MAPK8IP3: variants seen among roughly 807,000 people sequenced by gnomAD.
MAPK8IP3 encodes C-Jun-amino-terminal kinase-interacting protein 3.
Under a neutral mutation model 157.8 loss-of-function variants are expected in MAPK8IP3, and 49 were observed. That is an observed-to-expected ratio of 0.31 (90% CI 0.25 to 0.39). The LOEUF is 0.39. Among genes scored for constraint, MAPK8IP3 ranks in the 10% least tolerant of loss-of-function variants. The pLI is 1.00. For synonymous variants in MAPK8IP3, 897 were observed against 777.7 expected, an observed-to-expected ratio of 1.15 and a Z score of -2.55; for missense variants, 1,478 against 1,889.4, an observed-to-expected ratio of 0.78 and a Z score of 4.04.
intron 6 of MAPK8IP3, among the ~76,000 whole-genome samples, chr16:1,747,537 A>G (rs1347588257): frequency 2.6e-5 from 4 of 152,304 alleles, no homozygotes; most frequent in Middle Eastern, 3.4e-3. Flanking sequence ...TCCAGCTCCT[A>G]CAAGGACATA....
Position 1,706,918 on chromosome 16 carries a change from G to A in MAPK8IP3, c.318+261G>A, listed in dbSNP as rs1270369762. Among the ~76,000 whole-genome samples, 3 of 148,960 alleles carry A rather than the reference G, an allele frequency of 2.0e-5. No homozygotes were observed. The highest frequency in any genetic ancestry group is 4.5e-5 in the Non-Finnish European group (3 of 67,170). On this transcript the variant is annotated intron_variant, in intron 1 of 31. Coordinates refer to ENST00000610761, the MANE Select transcript of MAPK8IP3 (RefSeq NM_001318852.2). The surrounding 1 kb of genome is among the most constrained non-coding windows in gnomAD (Gnocchi z 5.1). ...CCCGGGACCCCACCCCGACTCCCGG[G>A]GACCCCCTTTTCCGCCCAGGCCTGG... is the stretch of plus-strand genomic sequence containing the variant.
At chr16:1,764,500 G>A (rs2042143015) in intron 19 of MAPK8IP3, 41 bp downstream of exon 19, 4 of 1,594,298 alleles carry the variant, frequency 2.5e-6, no homozygotes, top group East Asian at 4.5e-5. Context: ...CCCTGGCTTA[G>A]TCTCAGGACA....
At chr16:1,722,936 C>T (rs552922078) in intron 1 of MAPK8IP3, among the ~76,000 whole-genome samples, 2 of 152,016 alleles carry the variant, frequency 1.3e-5, no homozygotes, top group South Asian at 2.1e-4. Flanking sequence ...CTCCTGACCT[C>T]GTGATCCGCC....
Position 1,770,343 on chromosome 16 carries a change from A to G in MAPK8IP3, c.*1519A>G. 2.9e-6 allele frequency: 1 copy of G among 339,296 alleles called. No individual in the cohort carries two copies. Among genetic ancestry groups the G allele is most frequent in the Non-Finnish European group, 5.3e-6 (1 of 186,972 alleles). 21.0% of individuals were successfully genotyped at this position (339,296 alleles called of 1,614,324 possible). ...GCTGCCTGTTCCTGGGCCCAAATCG[A>G]AACGAAAACGAGGACTTTATTATAA... is the stretch of plus-strand genomic sequence containing the variant. On this transcript the variant is annotated 3_prime_UTR_variant, in exon 32 of 32. Transcript: ENST00000610761.
At chr16:1,738,133 CGTGT>C (rs748099969) in intron 4 of MAPK8IP3, among the ~76,000 whole-genome samples, 1 of 64,798 alleles carries the variant, frequency 1.5e-5, no homozygotes. Flanking sequence ...CGTGACTGTC[CGTGT>C]GTGTGACCAT....
chr16:1,718,969 T>G (rs1304716497), intron 1 of MAPK8IP3, among the ~76,000 whole-genome samples: 1 of 152,162 alleles, frequency 6.6e-6, no homozygotes, highest in Non-Finnish European at 1.5e-5. Flanking sequence ...TTCAGGAGGC[T>G]GTGGCAGGAG....
At chr16:1,720,608 T>C (rs561812246) in intron 1 of MAPK8IP3, among the ~76,000 whole-genome samples, 1 of 152,344 alleles carries the variant, frequency 6.6e-6, no homozygotes, top group East Asian at 1.9e-4. Flanking sequence ...TAACCGACCC[T>C]ATAGACCGAG....
chr16:1,759,069 G>A (rs1277806080), intron 10 of MAPK8IP3, 74 bp downstream of exon 10: 4 of 1,588,776 alleles, frequency 2.5e-6, no homozygotes, highest in Non-Finnish European at 2.6e-6. Context: ...TGAGCCGTTT[G>A]CTTTGTTCTG....
chr16:1,706,449 A>G lies in MAPK8IP3; in HGVS notation c.110A>G (p.Tyr37Cys). The G allele has an allele frequency of 6.2e-7, 1 of 1,613,888 alleles. No homozygotes were observed. The highest frequency in any genetic ancestry group is 8.5e-7 in the Non-Finnish European group (1 of 1,179,928). Residue 37 changes from tyrosine (Y) to cysteine (C), a missense_variant, in exon 1 of 32, where the codon TAC (tyrosine) becomes TGC (cysteine). Physicochemically the swap from Tyr to Cys is radical, Grantham distance 194. Coordinates refer to ENST00000610761, the MANE Select transcript of MAPK8IP3 (RefSeq NM_001318852.2). This position sits in a 1 kb window ranked among gnomAD's most constrained non-coding sequence, Gnocchi z 5.1. ...GTGTCGGGCCTGGCGGGCTCCATCTACCGCGAGTTCGAGCGCCTCATCCAC... is the reference window on the plus strand; with the variant it reads ...GTGTCGGGCCTGGCGGGCTCCATCTGCCGCGAGTTCGAGCGCCTCATCCAC... The part of the protein sequence containing the change: ...ERVSGLAGSI[Y>C]REFERLIHCY...
intron 1 of MAPK8IP3, among the ~76,000 whole-genome samples, chr16:1,715,150 C>T (rs1426533590): frequency 6.6e-6 from 1 of 152,066 alleles, no homozygotes; most frequent in East Asian, 1.9e-4. Flanking sequence ...ATTTGTTTTA[C>T]GTGGACACTG....
At chr16:1,729,063 C>A in intron 2 of MAPK8IP3, 75 bp from the exon 3 acceptor site, 2 of 1,417,502 alleles carry the variant, frequency 1.4e-6, no homozygotes, top group Non-Finnish European at 2.0e-6. Context: ...CCCCCTCCCT[C>A]TGTGGTTACA....
intron 4 of MAPK8IP3, among the ~76,000 whole-genome samples, chr16:1,736,561 C>CGT (rs1390409885): frequency 1.5e-5 from 1 of 66,580 alleles, no homozygotes; most frequent in Non-Finnish European, 2.8e-5. Context: ...TGTGACTGTC[C>CGT]GTGTGTGACC....
At chr16:1,766,671 T>A in intron 23 of MAPK8IP3, 23 bp downstream of exon 23, 1 of 1,611,808 alleles carries the variant, frequency 6.2e-7, no homozygotes, top group Non-Finnish European at 8.5e-7. Flanking sequence ...CGGGGCAAGG[T>A]GGAGGGAGGG....
At chr16:1,748,566 ACT>A (rs2041107997) in intron 7 of MAPK8IP3, 34 bp from the exon 8 acceptor site, 2 of 1,554,448 alleles carry the variant, frequency 1.3e-6, no homozygotes, top group South Asian at 1.1e-5. Context: ...CTGCCCACTG[ACT>A]CTGCTCTCTC....
chr16:1,736,257 C>T (rs547983812), intron 4 of MAPK8IP3, among the ~76,000 whole-genome samples: 10 of 68,554 alleles, frequency 1.5e-4, no homozygotes, highest in Admixed American at 2.4e-4. Context: ...TGTGACTGTC[C>T]GTGTGAGCGT....
Position 1,763,006 on chromosome 16 carries a change from A to G in MAPK8IP3, c.1898A>G (p.Asp633Gly). 1 of 1,612,650 alleles carries G rather than the reference A, an allele frequency of 6.2e-7. No homozygotes were observed. Among genetic ancestry groups the G allele is most frequent in the South Asian group, 1.1e-5 (1 of 91,072 alleles). Residue 633 changes from aspartate (D) to glycine (G), a missense_variant and splice_region_variant, in exon 16 of 32, where the codon GAC (aspartate) becomes GGC (glycine). By Grantham distance (94) the Asp-to-Gly change is moderately conservative. Around this residue, in one of 11 missense-constraint regions of MAPK8IP3, gnomAD observed 669 missense variants for 759.8 expected, o/e 0.88. Coordinates refer to ENST00000610761, the MANE Select transcript of MAPK8IP3 (RefSeq NM_001318852.2). Reference protein sequence around the residue: ...GSRPLEFFPDDDCTSSARREQ... With the variant: ...GSRPLEFFPDGDCTSSARREQ... ...CGGCCCCTGGAATTCTTCCCTGACG[A>G]GTGAGTGTCCCGCAGCCCCCACTTG...
At chr16:1,726,724 G>T (rs1168860041) in intron 2 of MAPK8IP3, among the ~76,000 whole-genome samples, 1 of 152,198 alleles carries the variant, frequency 6.6e-6, no homozygotes, top group Non-Finnish European at 1.5e-5. Flanking sequence ...CCAGCACCAG[G>T]AGTTGGGGCC....
rs750347921 is a variant in MAPK8IP3, at chr16:1,724,681, A to G, written c.439+4A>G. ...GCCAAGAACTATGCCGATCAGAGTAAGTGGCTGGCGGGAGCCTGGAGGCGC... is the reference window on the plus strand; with the variant it reads ...GCCAAGAACTATGCCGATCAGAGTAGGTGGCTGGCGGGAGCCTGGAGGCGC... On this transcript the variant is annotated splice_donor_region_variant and intron_variant, in intron 2 of 31. Transcript: ENST00000610761. This position sits in a 1 kb window ranked among gnomAD's most constrained non-coding sequence, Gnocchi z 4.1. The G allele has an allele frequency of 1.9e-6, 3 of 1,609,768 alleles. No individual in the cohort carries two copies. In the East Asian group the frequency reaches 6.7e-5, roughly 36 times the overall value.
intron 8 of MAPK8IP3, among the ~76,000 whole-genome samples, chr16:1,756,568 A>G (rs745997216): frequency 1.3e-5 from 2 of 151,590 alleles, no homozygotes; most frequent in Non-Finnish European, 2.9e-5. Context: ...AGATTGCTTG[A>G]GCCCAGGAGT....
Sources: gnomAD v4.1 joint callset for allele counts (sites outside exome capture counted in the v4.1 genomes callset) on GRCh38, gnomAD v4.1.1 for gene constraint, gnomAD v4.1.1 regional missense constraint, Gnocchi (gnomAD v3.1) non-coding constraint, MANE v1.5 for transcripts, NCBI Gene and HGNC (gene_info 2026-07-23, HGNC 2026-07-21) for gene names.